The following SRSF3 variants were observed in gnomAD, a reference collection of about 807,000 sequenced individuals.
The protein encoded by SRSF3 is serine and arginine rich splicing factor 3, also known as serine/arginine-rich splicing factor 3.
For synonymous variants in SRSF3, 87 were observed against 73.6 expected (o/e 1.18, Z -0.93); for missense variants, 58 against 217.1 (o/e 0.27, Z 4.61).
At chr6:36,595,667 A>C (rs1778614917) in intron 1 of SRSF3, among the ~76,000 whole-genome samples, 1 of 152,236 alleles carries the variant, frequency 6.6e-6, no homozygotes, top group African/African-American at 2.4e-5. Flanking sequence ...TTGTCAGTAC[A>C]TCATTCTGAA....
At chr6:36,601,001 C>CTTTTTTTTTTCTTTTTTTTT (rs1778703346) in intron 3 of SRSF3, 151 bp from the exon 4 acceptor site, 1 of 86,206 alleles carries the variant, frequency 1.2e-5, no homozygotes, top group Non-Finnish European at 2.0e-5. Flanking sequence ...TCTTTTTTTT[C>CTTTTTTTTTTCTTTTTTTTT]TTTTTTTTTT....
At chr6:36,595,645 A>G (rs139346848) in intron 1 of SRSF3, among the ~76,000 whole-genome samples, 44 of 152,276 alleles carry the variant, frequency 2.9e-4, no homozygotes, top group African/African-American at 1.0e-3. Flanking sequence ...AGATTTTCCA[A>G]CGTTGGAGGA....
chr6:36,600,043 G>A (rs1778689958), intron 3 of SRSF3: 1 of 1,239,660 alleles, frequency 8.1e-7, no homozygotes, highest in Non-Finnish European at 1.0e-6. Context: ...CAGCCACCTC[G>A]ACCGCCCACA....
chr6:36,597,107 T>TG, intron 2 of SRSF3, 139 bp downstream of exon 2: 1 of 747,888 alleles, frequency 1.3e-6, no homozygotes, highest in Non-Finnish European at 2.1e-6. Flanking sequence ...CTTTTTTTTT[T>TG]TTTTTTTTTT....
At chr6:36,601,895 A>C in intron 5 of SRSF3, 67 bp from the exon 6 acceptor site, 1 of 1,582,686 alleles carries the variant, frequency 6.3e-7, no homozygotes, top group South Asian at 1.2e-5. Context: ...CTATTTCGAT[A>C]TGTCACTAAA....
chr6:36,595,560 C>G (rs147232231), intron 1 of SRSF3, among the ~76,000 whole-genome samples: 2 of 152,298 alleles, frequency 1.3e-5, no homozygotes, highest in Admixed American at 6.5e-5. Context: ...CTGAACTTAG[C>G]TATTTTAGAT....
chr6:36,600,790 G>A (rs1778698731), intron 3 of SRSF3: 1 of 175,790 alleles, frequency 5.7e-6, no homozygotes. Context: ...TCCAAATACT[G>A]GTTTATGGTA....
chr6:36,603,749 G>C lies in SRSF3; in HGVS notation c.*1760G>C, dbSNP rs1360227793. 3 of 230,980 alleles carry C rather than the reference G, an allele frequency of 1.3e-5. No individual in the cohort carries two copies. Among genetic ancestry groups the C allele is most frequent in the African/African-American group, 2.2e-5 (1 of 45,244 alleles). The allele number at this position is 230,980 out of a possible 1,614,324, so 14.3% of individuals were successfully genotyped here. On this transcript the variant is annotated 3_prime_UTR_variant, in exon 6 of 6. Transcript: ENST00000373715. ...CATAGCCTACAACCTGTTCCTGTTAGGAACAAGCCAAGATAGCTAAGAAGT... is the reference window on the plus strand; with the variant it reads ...CATAGCCTACAACCTGTTCCTGTTACGAACAAGCCAAGATAGCTAAGAAGT...
chr6:36,601,631 A>G, intron 4 of SRSF3, 77 bp from the exon 5 acceptor site: 3 of 1,336,176 alleles, frequency 2.2e-6, no homozygotes, highest in Non-Finnish European at 3.2e-6. Context: ...GGCATGAGTC[A>G]CCATGCCAGA....
chr6:36,594,613 T>C (rs1238517705), intron 1 of SRSF3, 132 bp downstream of exon 1: 1 of 152,288 alleles, frequency 6.6e-6, no homozygotes, highest in African/African-American at 2.4e-5. Context: ...CACGGGGCGG[T>C]GGCGGGGGCT....
At position 36,602,042 on chromosome 6, in the gene SRSF3, G is replaced by A; in HGVS notation, c.*53G>A. 1 of 1,565,072 alleles carries A rather than the reference G, an allele frequency of 6.4e-7. No individual in the cohort carries two copies. The highest frequency in any genetic ancestry group is 8.6e-7 in the Non-Finnish European group (1 of 1,165,538). On this transcript the variant is annotated 3_prime_UTR_variant, in exon 6 of 6. Transcript: ENST00000373715. ...CAGGAAATTACTTCATTTGACAGGA[G>A]TATGTACAGAAAATTCAAGTTTTGT...
At chr6:36,597,037 G>A in intron 2 of SRSF3, 69 bp downstream of exon 2, 9 of 1,427,994 alleles carry the variant, frequency 6.3e-6, no homozygotes, top group Non-Finnish European at 8.8e-6. Flanking sequence ...TACAGGATAT[G>A]TGGCTCTTAG....
chr6:36,602,779 C>A lies in SRSF3; in HGVS notation c.*790C>A. On this transcript the variant is annotated 3_prime_UTR_variant, in exon 6 of 6. Coordinates refer to ENST00000373715, the MANE Select transcript of SRSF3 (RefSeq NM_003017.5). ...ATTAAAGTTTTGGTTACAAATTGTT[C>A]TTTAACTTGAAAGCCTGTTTTTCCT... 1 of 209,940 alleles carries A rather than the reference C, an allele frequency of 4.8e-6. No individual in the cohort carries two copies. Among genetic ancestry groups the A allele is most frequent in the Non-Finnish European group, 9.7e-6 (1 of 103,114 alleles). The allele number at this position is 209,940 out of a possible 1,614,324, so 13.0% of individuals were successfully genotyped here.
In SRSF3 at chr6:36,602,589, T is replaced by C. The variant is rs7344; in HGVS notation, c.*600T>C. On this transcript the variant is annotated 3_prime_UTR_variant, in exon 6 of 6. Coordinates refer to ENST00000373715, the MANE Select transcript of SRSF3 (RefSeq NM_003017.5). ...GGTCATAAGTTCCTTATTTGATTGC[T>C]GTATATGGATACATGGCTGTTCGTG... The C allele has an allele frequency of 0.21, 46,666 of 217,416 alleles. 5,754 individuals are homozygous for C. The highest frequency in any genetic ancestry group is 0.45 in the East Asian group (6,547 of 14,644). The allele number at this position is 217,416 out of a possible 1,614,324, so 13.5% of individuals were successfully genotyped here.
At chr6:36,597,373 T>C (rs971473247) in intron 2 of SRSF3, among the ~76,000 whole-genome samples, 16 of 152,200 alleles carry the variant, frequency 1.1e-4, no homozygotes, top group Admixed American at 2.0e-4. Context: ...CCCAAAGTGC[T>C]GGAATTACAG....
In SRSF3 at chr6:36,596,581, G is replaced by T. The variant is rs796587247; in HGVS notation, c.-2-180G>T. Among the ~76,000 whole-genome samples, 10 of 143,876 alleles carry T rather than the reference G, an allele frequency of 7.0e-5. 1 individual carries two copies. Among genetic ancestry groups the T allele is most frequent in the African/African-American group, 1.6e-4 (6 of 38,122 alleles). The allele number at this position is 143,876 out of a possible 152,430, so 94.4% of individuals were successfully genotyped here. A position where few individuals can be genotyped will look rare whatever the true frequency, so the allele number is the denominator to read the frequency against. Reference sequence around the variant, plus strand: ...GATAATGGGGCGGGGTGGCGGGGGGGGGGAAATGGGTGCTTAGCAGTAACA... The same window carrying T: ...GATAATGGGGCGGGGTGGCGGGGGGTGGGAAATGGGTGCTTAGCAGTAACA... On this transcript the variant is annotated intron_variant, in intron 1 of 5. Coordinates refer to ENST00000373715, the MANE Select transcript of SRSF3 (RefSeq NM_003017.5).
chr6:36,601,246 C>G, intron 4 of SRSF3, 56 bp downstream of exon 4: 2 of 1,585,042 alleles, frequency 1.3e-6, no homozygotes, highest in Middle Eastern at 1.7e-4. Context: ...TTCTGCTATT[C>G]CTAAACTTTT....
At chr6:36,599,574 A>G (rs1282025698) in intron 3 of SRSF3, 1 of 305,382 alleles carries the variant, frequency 3.3e-6, no homozygotes, top group South Asian at 2.9e-5. Flanking sequence ...TGCTAACTCC[A>G]CATCTCCTCA....
chr6:36,598,780 G>A, intron 2 of SRSF3, 69 bp from the exon 3 acceptor site: 1 of 1,559,448 alleles, frequency 6.4e-7, no homozygotes, highest in Non-Finnish European at 8.7e-7. Flanking sequence ...CCAACTGAGA[G>A]TACTTTTGGC....
Sources: gnomAD v4.1 joint callset for allele counts (sites outside exome capture counted in the v4.1 genomes callset) on GRCh38, gnomAD v4.1.1 for gene constraint, MANE v1.5 for transcripts, NCBI Gene and HGNC (gene_info 2026-07-23, HGNC 2026-07-21) for gene names.